The following FANCB variants were observed in gnomAD, a reference collection of about 807,000 sequenced individuals.
FANCB encodes the protein FA complementation group B.
FANCB carries 5 observed loss-of-function variants against 38.9 expected under a neutral mutation model. The ratio of observed to expected loss-of-function variants is 0.13; its 90% CI spans 0.07 to 0.27. The LOEUF (loss-of-function observed/expected upper bound fraction) is 0.27. Ranked by LOEUF, FANCB falls within the 10% of genes least tolerant of loss-of-function variation. The pLI, the probability that FANCB is intolerant of heterozygous loss-of-function variation, is 1.00. For missense variants in FANCB, 573 were observed against 602.7 expected (o/e 0.95, Z 0.52); for synonymous variants, 236 against 215.4 (o/e 1.10, Z -0.84).
the FANCB span, among the ~76,000 whole-genome samples, chrX:14,805,808 C>T: frequency 8.9e-6 from 1 of 111,899 alleles, no homozygotes; most frequent in African/African-American, 3.3e-5. Context: ...CAAGATCATC[C>T]ATTACATGGC....
intron 4 of FANCB, among the ~76,000 whole-genome samples, chrX:14,858,967 A>T (rs747652486): frequency 2.8e-4 from 31 of 111,714 alleles, no homozygotes; most frequent in Non-Finnish European, 5.3e-4. Context: ...AATGTACTAC[A>T]ATTCAAATTT....
At chrX:14,755,823 C>T in the FANCB span, among the ~76,000 whole-genome samples, 1 of 110,922 alleles carries the variant, frequency 9.0e-6, no homozygotes. Flanking sequence ...TATAGAACCA[C>T]AAAAGACCCT....
At chrX:14,723,944 T>C in the FANCB span, among the ~76,000 whole-genome samples, 14 of 111,942 alleles carry the variant, frequency 1.3e-4, no homozygotes, top group African/African-American at 4.2e-4. Context: ...TGCAAACTCC[T>C]TGAAGGCAAG....
At chrX:14,831,369 C>G (rs1268952440), downstream of FANCB, among the ~76,000 whole-genome samples, 1 of 111,946 alleles carries the variant, frequency 8.9e-6, no homozygotes, top group East Asian at 2.8e-4. Context: ...TATGACCTGT[C>G]TATAATTATT....
intron 1 of FANCB, among the ~76,000 whole-genome samples, chrX:14,871,013 G>GGGCCAC (rs1274431784): frequency 1.8e-5 from 2 of 111,156 alleles, no homozygotes; most frequent in Non-Finnish European, 3.8e-5. Context: ...CTACAAAATA[G>GGGCCAC]GGCCACTGTT....
At chrX:14,833,295 T>C (rs890882966), downstream of FANCB, among the ~76,000 whole-genome samples, 1 of 111,968 alleles carries the variant, frequency 8.9e-6, no homozygotes, top group Admixed American at 9.5e-5. Flanking sequence ...CTTTTTGGAA[T>C]GACAACAAAG....
At chrX:14,702,869 G>C in the FANCB span, among the ~76,000 whole-genome samples, 1 of 111,605 alleles carries the variant, frequency 9.0e-6, no homozygotes, top group African/African-American at 3.3e-5. Flanking sequence ...ATGATCCAGA[G>C]GCTTAGAGAC....
At chrX:14,777,555 A>G in the FANCB span, among the ~76,000 whole-genome samples, 7 of 112,274 alleles carry the variant, frequency 6.2e-5, no homozygotes, top group African/African-American at 2.3e-4. Flanking sequence ...GATGATTTCA[A>G]TTACTCTGGC....
At chrX:14,830,209 TTA>T in the FANCB span, among the ~76,000 whole-genome samples, 1 of 111,571 alleles carries the variant, frequency 9.0e-6, no homozygotes. Context: ...CCCAGAACAA[TTA>T]CAATAGTAGT....
chrX:14,742,870 G>A, the FANCB span, among the ~76,000 whole-genome samples: 1 of 112,817 alleles, frequency 8.9e-6, no homozygotes, highest in African/African-American at 3.2e-5. Flanking sequence ...AAAGGCTTAT[G>A]TTGGCATAAG....
At chrX:14,832,261 A>G (rs1466717613), downstream of FANCB, among the ~76,000 whole-genome samples, 1 of 111,470 alleles carries the variant, frequency 9.0e-6, no homozygotes, top group Admixed American at 9.5e-5. Flanking sequence ...TTTGCAGGCA[A>G]TATTTGGCTT....
chrX:14,853,915 G>A (rs763290278), intron 5 of FANCB, among the ~76,000 whole-genome samples: 6 of 112,097 alleles, frequency 5.4e-5, no homozygotes, highest in African/African-American at 1.9e-4. Flanking sequence ...CATTTCAGGT[G>A]GATATCTGAG....
the FANCB span, among the ~76,000 whole-genome samples, chrX:14,691,323 G>GCA: frequency 1.0e-5 from 1 of 97,000 alleles, no homozygotes; most frequent in South Asian, 4.6e-4. Context: ...GTGTGTGTGT[G>GCA]TGCGCGCGTG....
the FANCB span, among the ~76,000 whole-genome samples, chrX:14,787,876 AATATATATATAT>A: frequency 0.017 from 717 of 41,663 alleles, 22 homozygotes; most frequent in African/African-American, 0.064. Flanking sequence ...TTAAAAATAG[AATATATATATAT>A]ATATATATAT....
chrX:14,844,954 G>A lies in FANCB; in HGVS notation c.1829C>T (p.Pro610Leu). The A allele has an allele frequency of 8.3e-7, 1 of 1,202,862 alleles. No individual in the cohort carries two copies. The highest frequency in any genetic ancestry group is 1.1e-6 in the Non-Finnish European group (1 of 889,201). Residue 610 changes from proline to leucine, a missense_variant, in exon 8 of 10, where the codon CCT becomes CTT. By Grantham distance (98) the Pro-to-Leu change is moderately conservative. Coordinates refer to ENST00000650831, the MANE Select transcript of FANCB (RefSeq NM_001018113.3). Reference sequence around the variant, plus strand: ...GCCACACACAACATAACGATCTTTAGGACAGTTACCACTTTCTCTCTCCAT... The same window carrying A: ...GCCACACACAACATAACGATCTTTAAGACAGTTACCACTTTCTCTCTCCAT... ...QIMERESGNC[P>L]KDRYVVCGRV...
At chrX:14,754,282 A>G in the FANCB span, among the ~76,000 whole-genome samples, 2 of 112,748 alleles carry the variant, frequency 1.8e-5, no homozygotes, top group African/African-American at 6.4e-5. Context: ...AACAAATTGA[A>G]AAGTCTAGAA....
chrX:14,762,713 G>A, the FANCB span, among the ~76,000 whole-genome samples: 1 of 111,829 alleles, frequency 8.9e-6, no homozygotes, highest in Non-Finnish European at 1.9e-5. Flanking sequence ...ACAATTAAAT[G>A]CAAGGTCCTT....
At chrX:14,788,609 A>T in the FANCB span, among the ~76,000 whole-genome samples, 2 of 112,198 alleles carry the variant, frequency 1.8e-5, no homozygotes, top group East Asian at 5.5e-4. Flanking sequence ...GGTTTGCAAA[A>T]TCCCAGCCTC....
At chrX:14,803,732 C>G in the FANCB span, among the ~76,000 whole-genome samples, 1 of 110,730 alleles carries the variant, frequency 9.0e-6, no homozygotes, top group East Asian at 2.8e-4. Context: ...GGGGGAGGAG[C>G]ATCACGTAGA....
Sources: allele counts gnomAD v4.1 joint callset (sites outside exome capture counted in the v4.1 genomes callset), GRCh38; gene constraint gnomAD v4.1.1; transcripts MANE v1.5; gene names NCBI Gene and HGNC (gene_info 2026-07-23, HGNC 2026-07-21).